The following DOT1L variants were observed in gnomAD, a reference collection of about 807,000 sequenced individuals.
DOT1L encodes the protein DOT1 like histone lysine methyltransferase, also known as histone-lysine N-methyltransferase, H3 lysine-79 specific.
Under a neutral mutation model 153.3 loss-of-function variants are expected in DOT1L, and 33 were observed. That is an observed-to-expected ratio of 0.22 (90% CI 0.16 to 0.29). DOT1L has a LOEUF of 0.29. Among genes scored for constraint, DOT1L ranks in the 10% least tolerant of loss-of-function variants. DOT1L has a pLI of 1.00. For synonymous variants in DOT1L, 1,135 were observed against 965.1 expected (o/e 1.18, Z -3.26); for missense variants, 1,847 against 2,119.9 (o/e 0.87, Z 2.53).
chr19:2,208,628 T>A lies in DOT1L; in HGVS notation c.964-307T>A, dbSNP rs1443628056. Among the ~76,000 whole-genome samples the A allele has an allele frequency of 6.6e-6, 1 of 152,200 alleles. No individual in the cohort carries two copies. The highest frequency in any genetic ancestry group is 1.9e-4 in the East Asian group (1 of 5,190). The stretch of plus-strand genomic sequence containing the variant: ...TCCTCTGAGGCGGGCGCGGTTCTTC[T>A]GTGCAGAAAGCCCTCCCTCTTCCAG... On this transcript the variant is annotated intron_variant, in intron 11 of 27. Coordinates refer to ENST00000398665, the MANE Select transcript of DOT1L (RefSeq NM_032482.3). This position sits in a 1 kb window ranked among gnomAD's most constrained non-coding sequence, Gnocchi z 4.4.
At chr19:2,196,160 A>G (rs1428430103) in intron 7 of DOT1L, among the ~76,000 whole-genome samples, 1 of 152,114 alleles carries the variant, frequency 6.6e-6, no homozygotes, top group Non-Finnish European at 1.5e-5. Flanking sequence ...ACCCCTCCGC[A>G]CTGTCCCACA....
intron 9 of DOT1L, among the ~76,000 whole-genome samples, chr19:2,206,357 A>G (rs1248097157): frequency 1.1e-4 from 16 of 151,936 alleles, no homozygotes. Flanking sequence ...CAGGAGTTCC[A>G]GACAAGCCTG....
intron 1 of DOT1L, among the ~76,000 whole-genome samples, chr19:2,169,854 A>AATTAAAAAAAACACACGGTTG (rs2020060458): frequency 6.6e-6 from 1 of 152,092 alleles, no homozygotes; most frequent in Non-Finnish European, 1.5e-5. Flanking sequence ...TAAAAAGTTT[A>AATTAAAAAAAACACACGGTTG]ATTAAAAAAA....
chr19:2,214,734 A>G (rs2144856778), intron 19 of DOT1L, 138 bp downstream of exon 19: 1 of 1,326,604 alleles, frequency 7.5e-7, no homozygotes, highest in South Asian at 1.5e-5. Flanking sequence ...GTGGAGGCTT[A>G]TGGAACCTTC....
At chr19:2,168,918 G>A (rs12459731) in intron 1 of DOT1L, among the ~76,000 whole-genome samples, 12,388 of 152,202 alleles carry the variant, frequency 0.081, 901 homozygotes, top group African/African-American at 0.19. Flanking sequence ...CTGGCCCTGC[G>A]TGGTATTTCT....
At chr19:2,171,628 C>G in intron 1 of DOT1L, among the ~76,000 whole-genome samples, 1 of 152,190 alleles carries the variant, frequency 6.6e-6, no homozygotes, top group East Asian at 1.9e-4. Context: ...CGCCGGGTGT[C>G]GCTCCGTGTT....
chr19:2,226,585 C>T lies in DOT1L; in HGVS notation c.4064C>T (p.Ser1355Leu), dbSNP rs745728017. The change falls in exon 27 of 28, where the codon TCG becomes TTG. Residue 1355 changes from serine to leucine, a missense_variant. Physicochemically the swap from Ser to Leu is moderately radical, Grantham distance 145 (BLOSUM62 -2). Around this residue, in one of 8 missense-constraint regions of DOT1L, gnomAD observed 934 missense variants for 825.3 expected, o/e 1.13. Transcript: ENST00000398665. Reference sequence around the variant, plus strand: ...CTGAGCTCCCCGCTGAGCTTCCCCTCGCAGCGCGGCAAGGAGGGCTCGGAC... The same window carrying T: ...CTGAGCTCCCCGCTGAGCTTCCCCTTGCAGCGCGGCAAGGAGGGCTCGGAC... ...AGLSSPLSFP[S>L]QRGKEGSDAN... 5.0e-6 allele frequency: 8 copies of T among 1,599,706 alleles called. No homozygotes were observed. The highest frequency in any genetic ancestry group is 1.7e-4 in the Middle Eastern group (1 of 6,044).
intron 5 of DOT1L, among the ~76,000 whole-genome samples, chr19:2,192,776 C>T (rs2022852480): frequency 6.6e-6 from 1 of 152,086 alleles, no homozygotes; most frequent in African/African-American, 2.4e-5. Flanking sequence ...CGCTTGAGCC[C>T]AAGAGGTTGA....
intron 25 of DOT1L, among the ~76,000 whole-genome samples, chr19:2,224,063 G>C (rs1020486667): frequency 6.6e-6 from 1 of 152,128 alleles, no homozygotes; most frequent in African/African-American, 2.4e-5. Flanking sequence ...TAGGAGCGGA[G>C]TCACACAGGA....
intron 3 of DOT1L, 72 bp from the exon 4 acceptor site, chr19:2,189,660 A>C: frequency 1.3e-6 from 2 of 1,558,692 alleles, no homozygotes; most frequent in Non-Finnish European, 1.7e-6. Flanking sequence ...TGCCTTATCC[A>C]CATGCTGTCC....
Position 2,197,620 on chromosome 19 carries a change from G to A in DOT1L, c.652-2264G>A, listed in dbSNP as rs2023078163. Among the ~76,000 whole-genome samples the A allele has an allele frequency of 6.6e-6, 1 of 152,200 alleles. No homozygotes were observed. Among genetic ancestry groups the A allele is most frequent in the Non-Finnish European group, 1.5e-5 (1 of 68,030 alleles). On this transcript the variant is annotated intron_variant, in intron 7 of 27. Coordinates refer to ENST00000398665, the MANE Select transcript of DOT1L (RefSeq NM_032482.3). This position sits in a 1 kb window ranked among gnomAD's most constrained non-coding sequence, Gnocchi z 4.1. The stretch of plus-strand genomic sequence containing the variant: ...GTCTAGTGTGGCACAGGTGCTCCTG[G>A]CATGGAGCTGCGTTCGTGGTCTGGA...
At chr19:2,177,489 A>T (rs2144684039) in intron 1 of DOT1L, among the ~76,000 whole-genome samples, 1 of 152,112 alleles carries the variant, frequency 6.6e-6, no homozygotes, top group Admixed American at 6.6e-5. Flanking sequence ...TACTACTAAC[A>T]ATTTTTATAT....
At position 2,226,716 on chromosome 19, in the gene DOT1L, C is replaced by A; in HGVS notation, c.4195C>A (p.Pro1399Thr). Residue 1399 changes from proline to threonine, a missense_variant, in exon 27 of 28, where the codon CCC (proline) becomes ACC (threonine). By Grantham distance (38) the Pro-to-Thr change is conservative (BLOSUM62 -1). This residue lies in a region of DOT1L where 934 missense variants were observed against 825.3 expected (regional missense o/e 1.13). Coordinates refer to ENST00000398665, the MANE Select transcript of DOT1L (RefSeq NM_032482.3). ...GGAGGGCGGCCTACCGCTGTGCGGGCCCACGGACAAGACCCCACTGCTGAG... is the reference window on the plus strand; with the variant it reads ...GGAGGGCGGCCTACCGCTGTGCGGGACCACGGACAAGACCCCACTGCTGAG... Reference protein sequence around the residue: ...AGEGGLPLCGPTDKTPLLSGK... With the variant: ...AGEGGLPLCGTTDKTPLLSGK... The A allele has an allele frequency of 6.4e-7, 1 of 1,564,444 alleles. No homozygotes were observed. Among genetic ancestry groups the A allele is most frequent in the Middle Eastern group, 1.7e-4 (1 of 5,914 alleles).
intron 2 of DOT1L, among the ~76,000 whole-genome samples, chr19:2,185,406 C>T (rs937663699): frequency 6.6e-6 from 1 of 152,182 alleles, no homozygotes; most frequent in African/African-American, 2.4e-5. Context: ...GTCACGCCTC[C>T]CTTCTCTCTC....
At chr19:2,176,222 C>T (rs1419537027) in intron 1 of DOT1L, among the ~76,000 whole-genome samples, 3 of 152,146 alleles carry the variant, frequency 2.0e-5, no homozygotes, top group Non-Finnish European at 2.9e-5. Context: ...GTCCCCCAGC[C>T]CTCGGTCCAC....
chr19:2,170,401 C>T (rs1422243449), intron 1 of DOT1L, among the ~76,000 whole-genome samples: 1 of 152,164 alleles, frequency 6.6e-6, no homozygotes, highest in African/African-American at 2.4e-5. Context: ...CTGTTTTTAT[C>T]TTCCAGCAGT....
intron 3 of DOT1L, among the ~76,000 whole-genome samples, chr19:2,187,741 T>A (rs984994793): frequency 6.6e-6 from 1 of 151,900 alleles, no homozygotes. Flanking sequence ...GCTAGCACAG[T>A]GAAACCCCGT....
At chr19:2,167,881 C>T (rs1033938076) in intron 1 of DOT1L, among the ~76,000 whole-genome samples, 1 of 151,904 alleles carries the variant, frequency 6.6e-6, no homozygotes, top group African/African-American at 2.4e-5. Flanking sequence ...GATTACAGAC[C>T]TGTGCCACCA....
At chr19:2,203,482 C>T (rs1568350616) in intron 9 of DOT1L, among the ~76,000 whole-genome samples, 2 of 152,198 alleles carry the variant, frequency 1.3e-5, no homozygotes, top group African/African-American at 2.4e-5. Flanking sequence ...TTATTCTTGA[C>T]CTAAGCACAT....
Sources: allele counts gnomAD v4.1 joint callset (sites outside exome capture counted in the v4.1 genomes callset), GRCh38; gene constraint gnomAD v4.1.1; regional missense constraint gnomAD v4.1.1; non-coding constraint Gnocchi (gnomAD v3.1); transcripts MANE v1.5; gene names NCBI Gene and HGNC (gene_info 2026-07-23, HGNC 2026-07-21).